SACS: variants seen among roughly 807,000 people sequenced by gnomAD.
SACS encodes sacsin molecular chaperone, also known as sacsin.
SACS carries 197 observed loss-of-function variants against 348.0 expected under a neutral mutation model. That is an observed-to-expected ratio of 0.57 (90% CI 0.50 to 0.64). SACS has a LOEUF of 0.64. SACS is among the 30% of genes least tolerant of loss of function. The pLI is 0.00. For missense variants in SACS, 4,999 were observed against 5,360.8 expected, an observed-to-expected ratio of 0.93 and a Z score of 2.11; for synonymous variants, 1,985 against 1,910.6, an observed-to-expected ratio of 1.04 and a Z score of -1.02.
At chr13:23,368,366 A>G (rs922212832) in intron 5 of SACS, 36 bp downstream of exon 5, 1 of 1,444,200 alleles carries the variant, frequency 6.9e-7, no homozygotes. Flanking sequence ...CATTTTTATC[A>G]AAGTAAATAA....
Position 23,329,781 on chromosome 13 carries a change from A to G in SACS, c.*355T>C. The G allele has an allele frequency of 4.3e-6, 2 of 468,480 alleles. No homozygotes were observed. Among genetic ancestry groups the G allele is most frequent in the South Asian group, 5.9e-5 (2 of 33,968 alleles). The allele number at this position is 468,480 out of a possible 1,614,324, so 29.0% of individuals were successfully genotyped here. ...GTGTTTCATTAGCTCCTTCAAAAATACCATGTTAAAAACATAAAATTAACT... is the reference window on the plus strand; with the variant it reads ...GTGTTTCATTAGCTCCTTCAAAAATGCCATGTTAAAAACATAAAATTAACT... On this transcript the variant is annotated 3_prime_UTR_variant, in exon 10 of 10. Coordinates refer to ENST00000382292, the MANE Select transcript of SACS (RefSeq NM_014363.6).
At chr13:23,369,232 G>A (rs986471870) in intron 4 of SACS, among the ~76,000 whole-genome samples, 2 of 152,082 alleles carry the variant, frequency 1.3e-5, no homozygotes, top group Non-Finnish European at 2.9e-5. Flanking sequence ...TGTTCTGATT[G>A]TTCTGAAATT....
chr13:23,360,754 CTT>C (rs11340654), intron 6 of SACS, among the ~76,000 whole-genome samples: 3,426 of 125,288 alleles, frequency 0.027, 106 homozygotes, highest in African/African-American at 0.081. Context: ...CTCCAAGGTA[CTT>C]TTTTTTTTTT....
chr13:23,372,004 T>A (rs74679845), intron 3 of SACS, among the ~76,000 whole-genome samples: 4,698 of 152,012 alleles, frequency 0.031, 214 homozygotes, highest in African/African-American at 0.11. Flanking sequence ...TTGAAAAAAA[T>A]TTTTTTTTAA....
chr13:23,397,918 G>T (rs541221871), intron 2 of SACS, among the ~76,000 whole-genome samples: 18 of 152,222 alleles, frequency 1.2e-4, no homozygotes, highest in African/African-American at 4.3e-4. Flanking sequence ...AAGGCCAGGC[G>T]TGGTGGCTGA....
chr13:23,375,778 G>A (rs1167769194), intron 2 of SACS, among the ~76,000 whole-genome samples: 1 of 148,190 alleles, frequency 6.7e-6, no homozygotes, highest in Non-Finnish European at 1.5e-5. Flanking sequence ...CCGCCTGCCA[G>A]GCCCCGCCCC....
At position 23,337,419 on chromosome 13, in the gene SACS, T is replaced by C. The variant is rs138732180; in HGVS notation, c.6457A>G (p.Met2153Val). The C allele has an allele frequency of 1.2e-6, 2 of 1,612,726 alleles. No individual in the cohort carries two copies. Among genetic ancestry groups the C allele is most frequent in the African/African-American group, 2.7e-5 (2 of 74,830 alleles). ...TCCCATAAAATATCATCTTTTGCCA[T>C]ACCTAACTGAACTAGTTTAATCAAA... ...IILIKLVQLG[M>V]AKDDILWDDM... Residue 2153 changes from methionine to valine, a missense_variant, in exon 10 of 10, where the codon ATG becomes GTG. By Grantham distance (21) the Met-to-Val change is conservative. Around this residue, in one of 6 missense-constraint regions of SACS, gnomAD observed 3,156 missense variants for 3,380.1 expected, o/e 0.93. Coordinates refer to ENST00000382292, the MANE Select transcript of SACS (RefSeq NM_014363.6).
In SACS at chr13:23,341,338, T is replaced by C. The variant is rs1869196715; in HGVS notation, c.2538A>G (p.Lys846=). ...ATTTTTTAAGGACAAACCCTCCAAG[T>C]TTTTGTACAATGTCTGCTAAAAATT... ...LPEFLADIVQ[K]LGGFVLKKLD... The change falls in exon 10 of 10, where the codon AAA becomes AAG. Residue 846 remains lysine (K), a synonymous_variant. Transcript: ENST00000382292. 6.2e-7 allele frequency: 1 copy of C among 1,605,214 alleles called. No homozygotes were observed. Among genetic ancestry groups the C allele is most frequent in the African/African-American group, 1.3e-5 (1 of 74,564 alleles).
chr13:23,420,009 G>A (rs528445390), intron 1 of SACS, among the ~76,000 whole-genome samples: 1 of 152,236 alleles, frequency 6.6e-6, no homozygotes, highest in South Asian at 2.1e-4. Flanking sequence ...GTTCCCCAGG[G>A]ACCTAGGTAT....
intron 5 of SACS, 63 bp from the exon 6 acceptor site, chr13:23,365,340 T>G (rs1433777545): frequency 7.8e-6 from 7 of 901,560 alleles, no homozygotes; most frequent in Non-Finnish European, 1.2e-5. Flanking sequence ...CTCATCTTTG[T>G]ATTTATCTAT....
At position 23,340,883 on chromosome 13, in the gene SACS, T is replaced by A. The variant is rs774702431; in HGVS notation, c.2993A>T (p.Asp998Val). The A allele has an allele frequency of 5.0e-6, 8 of 1,610,748 alleles. No homozygotes were observed. The South Asian group carries it at 8.8e-5, about 18-fold the overall frequency. Reference protein sequence around the residue: ...TTSCLKLVLKDIENAFYSHEE... With the variant: ...TTSCLKLVLKVIENAFYSHEE... ...ATGTGAATAAAATGCATTTTCAATA[T>A]CTTTTAAAACAAGCTTTAAGCAGCT... The change falls in exon 10 of 10, where the codon GAT becomes GTT. Residue 998 changes from aspartate (D) to valine (V), a missense_variant. Coordinates refer to ENST00000382292, the MANE Select transcript of SACS (RefSeq NM_014363.6).
chr13:23,361,125 G>A (rs1457671712), intron 6 of SACS, among the ~76,000 whole-genome samples: 3 of 152,140 alleles, frequency 2.0e-5, no homozygotes, highest in African/African-American at 7.2e-5. Flanking sequence ...GAGGAAACAT[G>A]GTGAAAATTA....
chr13:23,342,313 A>G (rs1430254653), intron 9 of SACS, among the ~76,000 whole-genome samples: 3 of 152,214 alleles, frequency 2.0e-5, no homozygotes, highest in Non-Finnish European at 4.4e-5. Flanking sequence ...AAATGAAATC[A>G]ACATGGAAAA....
intron 9 of SACS, among the ~76,000 whole-genome samples, chr13:23,343,947 C>A (rs898943245): frequency 8.5e-5 from 13 of 152,118 alleles, no homozygotes; most frequent in Non-Finnish European, 1.6e-4. Context: ...TGTCAATACC[C>A]AAATTCAGAA....
intron 5 of SACS, among the ~76,000 whole-genome samples, chr13:23,367,086 A>G (rs7329663): frequency 0.85 from 129,273 of 152,226 alleles, 55,194 homozygotes; most frequent in East Asian, 1. Context: ...GCTCACTTCT[A>G]AACAGATGAC....
At chr13:23,388,251 G>A (rs769922013) in intron 2 of SACS, among the ~76,000 whole-genome samples, 3 of 150,980 alleles carry the variant, frequency 2.0e-5, no homozygotes, top group Non-Finnish European at 4.4e-5. Context: ...GGAGAATGTC[G>A]TGAACCGGGC....
In SACS at chr13:23,336,751, A is replaced by G. The variant is rs1330112578; in HGVS notation, c.7125T>C (p.Pro2375=). ...CGCGGAAATTATTTTTATACTTATT[A>G]GGCAACTGATAAAGGTATGGTGCCG... is the stretch of plus-strand genomic sequence containing the variant. ...FEAAPYLYQL[P]NKYKNNFREL... Residue 2375 remains proline, a synonymous_variant, in exon 10 of 10, where the codon CCT becomes CCC. Transcript: ENST00000382292. 6.2e-7 allele frequency: 1 copy of G among 1,613,946 alleles called. No individual in the cohort carries two copies. The highest frequency in any genetic ancestry group is 8.5e-7 in the Non-Finnish European group (1 of 1,179,888).
intron 1 of SACS, among the ~76,000 whole-genome samples, chr13:23,419,635 C>G (rs978007863): frequency 4.6e-5 from 7 of 151,942 alleles, no homozygotes; most frequent in Non-Finnish European, 7.4e-5. Context: ...TTCTTCCATT[C>G]GAATCTGTGC....
Position 23,365,294 on chromosome 13 carries a change from C to T in SACS, c.346-17G>A, listed in dbSNP as rs1417113507. The T allele has an allele frequency of 6.4e-6, 9 of 1,408,760 alleles. No individual in the cohort carries two copies. Among genetic ancestry groups the T allele is most frequent in the Non-Finnish European group, 6.9e-6 (7 of 1,010,542 alleles). The allele number at this position is 1,408,760 out of a possible 1,614,324, so 87.3% of individuals were successfully genotyped here. A position where few individuals can be genotyped will look rare whatever the true frequency, so the allele number is the denominator to read the frequency against. ...AATTAATTCCTAACCAAAAAATATA[C>T]CAAAAAATAGTAATTAATAACACAG... On this transcript the variant is annotated splice_polypyrimidine_tract_variant and intron_variant, in intron 5 of 9. Coordinates refer to ENST00000382292, the MANE Select transcript of SACS (RefSeq NM_014363.6).
Sources: gnomAD v4.1 joint callset for allele counts (sites outside exome capture counted in the v4.1 genomes callset) on GRCh38, gnomAD v4.1.1 for gene constraint, gnomAD v4.1.1 regional missense constraint, MANE v1.5 for transcripts, NCBI Gene and HGNC (gene_info 2026-07-23, HGNC 2026-07-21) for gene names.